MRTFA: variants seen among roughly 807,000 people sequenced by gnomAD.
MRTFA encodes the protein myocardin-related transcription factor A.
MRTFA carries 20 observed loss-of-function variants against 83.5 expected under a neutral mutation model. The observed-to-expected ratio is 0.24, with a 90% CI of 0.17 to 0.35. The LOEUF is 0.35. Among genes scored for constraint, MRTFA ranks in the 10% least tolerant of loss-of-function variants. MRTFA has a pLI of 1.00. For missense variants in MRTFA, 1,200 were observed against 1,224.7 expected (o/e 0.98, Z 0.30); for synonymous variants, 659 against 541.2 (o/e 1.22, Z -3.02).
intron 4 of MRTFA, among the ~76,000 whole-genome samples, chr22:40,445,687 T>C (rs756902336): frequency 2.0e-5 from 3 of 152,186 alleles, no homozygotes; most frequent in Non-Finnish European, 4.4e-5. Context: ...TAGCTGGGAT[T>C]ACAGGTACCC....
At chr22:40,629,618 T>C (rs1228237712) in intron 1 of MRTFA, among the ~76,000 whole-genome samples, 2 of 147,110 alleles carry the variant, frequency 1.4e-5, no homozygotes, top group East Asian at 4.1e-4. Context: ...TATATACATA[T>C]ACAAAAAATT....
intron 2 of MRTFA, chr22:40,588,044 T>C (rs2056058435): frequency 5.6e-6 from 1 of 178,342 alleles, no homozygotes; most frequent in Non-Finnish European, 1.2e-5. Flanking sequence ...TTTTTTTTTT[T>C]TGGAGACAGA....
chr22:40,512,081 G>C (rs1284164670), intron 3 of MRTFA, among the ~76,000 whole-genome samples: 1 of 152,184 alleles, frequency 6.6e-6, no homozygotes, highest in Non-Finnish European at 1.5e-5. Context: ...AGGTCACTAT[G>C]AAATTAGTTC....
chr22:40,602,395 T>C (rs2056270224), intron 1 of MRTFA, among the ~76,000 whole-genome samples: 1 of 152,126 alleles, frequency 6.6e-6, no homozygotes, highest in African/African-American at 2.4e-5. Context: ...CAAAATAAGT[T>C]GCCAAGAATG....
chr22:40,555,566 C>T (rs181607549), intron 2 of MRTFA, among the ~76,000 whole-genome samples: 1 of 151,262 alleles, frequency 6.6e-6, no homozygotes, highest in Non-Finnish European at 1.5e-5. Context: ...CCAATTAAAC[C>T]TCATAAATTA....
At chr22:40,496,075 A>T (rs964856629) in intron 3 of MRTFA, among the ~76,000 whole-genome samples, 14 of 151,592 alleles carry the variant, frequency 9.2e-5, no homozygotes, top group South Asian at 2.1e-4. Flanking sequence ...CAGAAAAAAA[A>T]AAATAAATTA....
intron 3 of MRTFA, among the ~76,000 whole-genome samples, chr22:40,501,975 C>CGG (rs1173875777): frequency 8.3e-6 from 1 of 119,810 alleles, no homozygotes; most frequent in Non-Finnish European, 1.8e-5. Context: ...GCTGGCCGGG[C>CGG]GGGGGGCTGA....
chr22:40,512,009 G>A (rs1168043578), intron 3 of MRTFA, among the ~76,000 whole-genome samples: 1 of 152,170 alleles, frequency 6.6e-6, no homozygotes, highest in Admixed American at 6.6e-5. Flanking sequence ...TACAGAACGA[G>A]GAGGGAACAT....
At chr22:40,506,839 G>A (rs773019198) in intron 3 of MRTFA, among the ~76,000 whole-genome samples, 1 of 152,168 alleles carries the variant, frequency 6.6e-6, no homozygotes, top group Non-Finnish European at 1.5e-5. Flanking sequence ...AGCTAACCGA[G>A]TGTACTAGCT....
intron 3 of MRTFA, among the ~76,000 whole-genome samples, chr22:40,485,892 C>A (rs984607148): frequency 2.6e-5 from 4 of 152,214 alleles, no homozygotes; most frequent in African/African-American, 9.6e-5. Context: ...GCATCTCCCT[C>A]AACTGGGAAG....
intron 2 of MRTFA, among the ~76,000 whole-genome samples, chr22:40,586,268 A>G (rs2056026713): frequency 4.1e-5 from 6 of 147,206 alleles, no homozygotes; most frequent in South Asian, 2.1e-4. Context: ...TTGCTCTTCA[A>G]AAAAAAAAAA....
intron 3 of MRTFA, among the ~76,000 whole-genome samples, chr22:40,517,089 A>G (rs1488518538): frequency 6.6e-6 from 1 of 151,856 alleles, no homozygotes; most frequent in Admixed American, 6.6e-5. Flanking sequence ...CGCCTGGCTA[A>G]TTTTTCATTA....
rs1272285394 is a variant in MRTFA, at chr22:40,410,673, TGCCAGACTGGGC to T, written c.*705_*716del. 8.6e-6 allele frequency: 2 copies of T among 233,232 alleles called. No homozygotes were observed. The highest frequency in any genetic ancestry group is 4.4e-5 in the African/African-American group (2 of 45,290). The allele number at this position is 233,232 out of a possible 1,614,324, so 14.4% of individuals were successfully genotyped here. A position where few individuals can be genotyped will look rare whatever the true frequency, so the allele number is the denominator to read the frequency against. On this transcript the variant is annotated 3_prime_UTR_variant, in exon 15 of 15. Transcript: ENST00000355630. ...TGATGGGTGGGCCTGGGTAGCTGCATGCCAGACTGGGCACCAGACTGTGGCACACAGCTCAAG... is the reference window on the plus strand; with the variant it reads ...TGATGGGTGGGCCTGGGTAGCTGCATACCAGACTGTGGCACACAGCTCAAG...
intron 3 of MRTFA, among the ~76,000 whole-genome samples, chr22:40,479,445 C>T (rs137905546): frequency 3.2e-4 from 48 of 152,200 alleles, no homozygotes; most frequent in African/African-American, 1.0e-3. Context: ...TCGCAAGTCC[C>T]CTCTTTCTCA....
chr22:40,598,915 C>T (rs547219369), intron 1 of MRTFA, among the ~76,000 whole-genome samples: 56 of 150,684 alleles, frequency 3.7e-4, no homozygotes, highest in Admixed American at 3.0e-3. Context: ...TGCTTGAACC[C>T]GGGAGGCAGA....
At chr22:40,561,702 T>A (rs1191438933) in intron 2 of MRTFA, among the ~76,000 whole-genome samples, 1 of 152,098 alleles carries the variant, frequency 6.6e-6, no homozygotes, top group Non-Finnish European at 1.5e-5. Flanking sequence ...CAGAAAAATA[T>A]AACAAAACAA....
At chr22:40,425,078 A>T (rs1004021126) in intron 7 of MRTFA, among the ~76,000 whole-genome samples, 3 of 152,140 alleles carry the variant, frequency 2.0e-5, no homozygotes, top group African/African-American at 7.2e-5. Context: ...CCAGAAGAAA[A>T]CATCCTACTG....
intron 2 of MRTFA, among the ~76,000 whole-genome samples, chr22:40,581,114 T>C (rs182930223): frequency 1.3e-5 from 2 of 152,124 alleles, no homozygotes; most frequent in African/African-American, 4.8e-5. Flanking sequence ...GCCAAGCCAC[T>C]TGCTTTCTTT....
intron 3 of MRTFA, among the ~76,000 whole-genome samples, chr22:40,482,632 A>G (rs1021777772): frequency 6.6e-6 from 1 of 152,156 alleles, no homozygotes; most frequent in Non-Finnish European, 1.5e-5. Context: ...CCAAAGTTAA[A>G]GGCACCAAGA....
Sources: gnomAD v4.1 joint callset for allele counts (sites outside exome capture counted in the v4.1 genomes callset) on GRCh38, gnomAD v4.1.1 for gene constraint, MANE v1.5 for transcripts, NCBI Gene and HGNC (gene_info 2026-07-23, HGNC 2026-07-21) for gene names.